The following BOLL variants were observed in gnomAD, a reference collection of about 807,000 sequenced individuals.
The protein encoded by BOLL is protein boule-like.
BOLL carries 23 observed loss-of-function variants against 44.4 expected under a neutral mutation model. The observed-to-expected ratio is 0.52, with a 90% CI of 0.37 to 0.73. The LOEUF (loss-of-function observed/expected upper bound fraction) is 0.73. Among genes scored for constraint, BOLL ranks in the 30% least tolerant of loss-of-function variants. BOLL has a pLI of 0.00. For synonymous variants in BOLL, 97 were observed against 110.8 expected (o/e 0.88, Z 0.78); for missense variants, 287 against 338.3 (o/e 0.85, Z 1.19).
chr2:197,775,831 A>G (rs1436220701), intron 4 of BOLL, 91 bp from the exon 5 acceptor site: 2 of 708,590 alleles, frequency 2.8e-6, no homozygotes, highest in African/African-American at 1.9e-5. Context: ...GAATTTCAAA[A>G]ATTCAGACTA....
chr2:197,745,538 T>C (rs16823457), intron 9 of BOLL, among the ~76,000 whole-genome samples: 184 of 152,246 alleles, frequency 1.2e-3, no homozygotes, highest in Middle Eastern at 0.01. Context: ...ATATCAGATA[T>C]TAAAAATATG....
In BOLL at chr2:197,738,464, A is replaced by G. The variant is rs113842351; in HGVS notation, c.828+4597T>C. Among the ~76,000 whole-genome samples the G allele has an allele frequency of 6.1e-3, 926 of 152,100 alleles. 17 individuals are homozygous for G. Among genetic ancestry groups the G allele is most frequent in the African/African-American group, 0.021 (865 of 41,512 alleles). On this transcript the variant is annotated intron_variant, in intron 10 of 10. Coordinates refer to ENST00000392296, the MANE Select transcript of BOLL (RefSeq NM_033030.6). ...ATTATATTAATCTAGTTACCTCTAT[A>G]TTGGTCTGTTTTGTATTTATTCGTT...
intron 7 of BOLL, among the ~76,000 whole-genome samples, chr2:197,764,724 T>C (rs931425053): frequency 6.6e-6 from 1 of 152,206 alleles, no homozygotes; most frequent in African/African-American, 2.4e-5. Context: ...TTTTTGTTGT[T>C]GTTGTTGTTA....
chr2:197,743,375 A>C (rs1156666298), intron 9 of BOLL, among the ~76,000 whole-genome samples: 1 of 152,270 alleles, frequency 6.6e-6, no homozygotes, highest in Non-Finnish European at 1.5e-5. Flanking sequence ...GACAGTAGTC[A>C]GAATGATCAT....
At chr2:197,761,321 T>G (rs985088872) in intron 7 of BOLL, among the ~76,000 whole-genome samples, 29 of 152,024 alleles carry the variant, frequency 1.9e-4, no homozygotes, top group African/African-American at 7.0e-4. Flanking sequence ...AAGCAAAAAC[T>G]GAGAGAATTT....
At chr2:197,757,279 T>G in intron 8 of BOLL, 74 bp downstream of exon 8, 1 of 1,306,852 alleles carries the variant, frequency 7.7e-7, no homozygotes, top group Non-Finnish European at 1.1e-6. Flanking sequence ...TAAAAAACTT[T>G]AGTATTCATG....
upstream of BOLL, among the ~76,000 whole-genome samples, chr2:197,785,645 C>A (rs991225270): frequency 1.3e-5 from 2 of 152,196 alleles, no homozygotes; most frequent in African/African-American, 4.8e-5. This position sits in a 1 kb window ranked among gnomAD's most constrained non-coding sequence, Gnocchi z 6.7. Flanking sequence ...GCTGCCTAGC[C>A]CAATTTCGGC....
upstream of BOLL, chr2:197,785,492 G>A: frequency 4.4e-6 from 3 of 675,504 alleles, no homozygotes; most frequent in Non-Finnish European, 3.7e-6. This position sits in a 1 kb window ranked among gnomAD's most constrained non-coding sequence, Gnocchi z 6.7. Flanking sequence ...TCCGGGTCCC[G>A]CCTGGGCCAC....
intron 10 of BOLL, among the ~76,000 whole-genome samples, chr2:197,731,044 T>A (rs1687143037): frequency 6.6e-6 from 1 of 151,978 alleles, no homozygotes; most frequent in African/African-American, 2.4e-5. Flanking sequence ...TCAAGACCCA[T>A]CAGTGTGCTG....
At chr2:197,741,260 A>T (rs1421776541) in intron 10 of BOLL, among the ~76,000 whole-genome samples, 1 of 152,022 alleles carries the variant, frequency 6.6e-6, no homozygotes, top group Admixed American at 6.6e-5. Flanking sequence ...ATGGGAGTTC[A>T]CTCATGATTT....
At chr2:197,763,847 A>G (rs1688868160) in intron 7 of BOLL, among the ~76,000 whole-genome samples, 1 of 152,238 alleles carries the variant, frequency 6.6e-6, no homozygotes, top group Non-Finnish European at 1.5e-5. Flanking sequence ...CAGCAAAATA[A>G]ACAAAAAATA....
intron 6 of BOLL, among the ~76,000 whole-genome samples, chr2:197,769,638 G>C (rs933744860): frequency 6.6e-6 from 1 of 152,104 alleles, no homozygotes; most frequent in African/African-American, 2.4e-5. Context: ...AAGCTGATAA[G>C]CAACTTCAGC....
At chr2:197,735,344 C>T (rs961733399) in intron 10 of BOLL, among the ~76,000 whole-genome samples, 27 of 152,000 alleles carry the variant, frequency 1.8e-4, no homozygotes, top group Non-Finnish European at 3.1e-4. Flanking sequence ...TTGATAATTT[C>T]CTCCAATGAT....
In BOLL at chr2:197,756,497, T is replaced by C; in HGVS notation, c.660A>G (p.Pro220=). ...ATCCACCATCCTGTGCAATTTCCACTGGTTGATAAATAACCTCAGAAGGTT... is the reference window on the plus strand; with the variant it reads ...ATCCACCATCCTGTGCAATTTCCACCGGTTGATAAATAACCTCAGAAGGTT... The part of the protein sequence containing the change: ...YLQPSEVIYQ[P]VEIAQDGGCV... Residue 220 remains proline (P), a synonymous_variant, in exon 9 of 11, where the codon CCA becomes CCG. Coordinates refer to ENST00000392296, the MANE Select transcript of BOLL (RefSeq NM_033030.6). The C allele has an allele frequency of 6.2e-7, 1 of 1,612,908 alleles. No individual in the cohort carries two copies. Among genetic ancestry groups the C allele is most frequent in the East Asian group, 2.2e-5 (1 of 44,770 alleles).
chr2:197,778,846 G>T (rs1029741782), intron 3 of BOLL, 129 bp downstream of exon 3: 2 of 656,598 alleles, frequency 3.0e-6, no homozygotes, highest in Non-Finnish European at 2.5e-6. Context: ...AAATCAAAAG[G>T]TAGGAGGAAA....
At chr2:197,754,356 C>G (rs537550798) in intron 9 of BOLL, among the ~76,000 whole-genome samples, 3 of 152,076 alleles carry the variant, frequency 2.0e-5, no homozygotes, top group Admixed American at 6.6e-5. Context: ...TTCCTTACAC[C>G]TTATACAAAA....
rs1305139578 is a variant in BOLL, at chr2:197,784,391, C to CATACATATATAT, written c.-16+664_-16+665insATATATATGTAT. 6.9e-4 allele frequency among the ~76,000 whole-genome samples: 38 copies of CATACATATATAT among 54,998 alleles called. 3 individuals are homozygous for CATACATATATAT. Among genetic ancestry groups the CATACATATATAT allele is most frequent in the African/African-American group, 3.1e-3 (36 of 11,754 alleles). The allele number at this position is 54,998 out of a possible 152,430, so 36.1% of individuals were successfully genotyped here. On this transcript the variant is annotated intron_variant, in intron 1 of 10. Coordinates refer to ENST00000392296, the MANE Select transcript of BOLL (RefSeq NM_033030.6). ...AATACAGTATAACAGCAGTCTAATA[C>CATACATATATAT]ATATATATATATATATATATATATA...
At chr2:197,782,539 G>A (rs760436736) in intron 1 of BOLL, among the ~76,000 whole-genome samples, 1 of 152,046 alleles carries the variant, frequency 6.6e-6, no homozygotes, top group Non-Finnish European at 1.5e-5. Context: ...ATTTCCTGAC[G>A]CTATACATTC....
At chr2:197,765,656 CTTTTTTA>C (rs1217880934) in intron 7 of BOLL, among the ~76,000 whole-genome samples, 1 of 151,472 alleles carries the variant, frequency 6.6e-6, no homozygotes, top group Non-Finnish European at 1.5e-5. Context: ...TTAACTATCT[CTTTTTTA>C]TTTTTTATTT....
Sources: allele counts gnomAD v4.1 joint callset (sites outside exome capture counted in the v4.1 genomes callset), GRCh38; gene constraint gnomAD v4.1.1; non-coding constraint Gnocchi (gnomAD v3.1); transcripts MANE v1.5; gene names NCBI Gene and HGNC (gene_info 2026-07-23, HGNC 2026-07-21).